The following TNR variants were observed in gnomAD, a reference collection of about 807,000 sequenced individuals.
The protein encoded by TNR is tenascin R.
In TNR, 45 loss-of-function variants were observed where a neutral mutation model predicts 150.4. The ratio of observed to expected loss-of-function variants is 0.30; its 90% CI spans 0.24 to 0.38. The LOEUF is 0.38. Ranked by LOEUF, TNR falls within the 10% of genes least tolerant of loss-of-function variation. The pLI, the probability that TNR is intolerant of heterozygous loss-of-function variation, is 1.00. For missense variants in TNR, 1,544 were observed against 1,759.1 expected, an observed-to-expected ratio of 0.88 and a Z score of 2.19; for synonymous variants, 687 against 678.4, an observed-to-expected ratio of 1.01 and a Z score of -0.20.
Position 175,365,120 on chromosome 1 carries a change from TTGG to T in TNR, c.2474_2476del (p.Thr825del), listed in dbSNP as rs1651772501. On this transcript the variant is annotated inframe_deletion, in exon 12 of 23. Transcript: ENST00000367674. ...CAGGCCCATCAGGACAGCATGCCTCTTGGTGGCATCCAGGGAGACCTCCATCAT... is the reference window on the plus strand; with the variant it reads ...CAGGCCCATCAGGACAGCATGCCTCTTGGCATCCAGGGAGACCTCCATCAT... The T allele has an allele frequency of 1.2e-6, 2 of 1,613,998 alleles. No individual in the cohort carries two copies. The highest frequency in any genetic ancestry group is 1.7e-6 in the Non-Finnish European group (2 of 1,180,018).
At chr1:175,711,758 G>T (rs1667023397) in intron 1 of TNR, among the ~76,000 whole-genome samples, 1 of 152,180 alleles carries the variant, frequency 6.6e-6, no homozygotes, top group South Asian at 2.1e-4. Flanking sequence ...AACGAATGGG[G>T]ATCCATGAGA....
intron 2 of TNR, among the ~76,000 whole-genome samples, chr1:175,468,579 T>C (rs1054769527): frequency 4.6e-5 from 7 of 152,052 alleles, no homozygotes. Flanking sequence ...ATTAATCCAA[T>C]CTGAGGAAAT....
At chr1:175,725,889 C>T (rs984560869) in intron 1 of TNR, among the ~76,000 whole-genome samples, 8 of 152,136 alleles carry the variant, frequency 5.3e-5, no homozygotes, top group African/African-American at 1.9e-4. Flanking sequence ...TTGCCTCTTA[C>T]TTGAGGGCTC....
chr1:175,337,466 G>A, intron 19 of TNR, 62 bp downstream of exon 19: 1 of 1,599,666 alleles, frequency 6.3e-7, no homozygotes. Context: ...GGCAGGTGCT[G>A]AGCTAGGTAG....
At chr1:175,646,868 C>T (rs1006724332) in intron 1 of TNR, among the ~76,000 whole-genome samples, 5 of 152,228 alleles carry the variant, frequency 3.3e-5, no homozygotes. Flanking sequence ...AGTTTTAATT[C>T]CTCTTGATCC....
intron 2 of TNR, among the ~76,000 whole-genome samples, chr1:175,444,312 C>G (rs1433465239): frequency 3.3e-5 from 5 of 151,996 alleles, no homozygotes; most frequent in African/African-American, 1.2e-4. Flanking sequence ...AATCTAAGAC[C>G]CCTTTAAAGG....
In TNR at chr1:175,319,041, T is replaced by G. The variant is rs1397010357; in HGVS notation, c.*4316A>C. 6.6e-6 allele frequency: 1 copy of G among 152,224 alleles called. No homozygotes were observed. The highest frequency in any genetic ancestry group is 1.5e-5 in the Non-Finnish European group (1 of 68,062). 9.4% of individuals were successfully genotyped at this position (152,224 alleles called of 1,614,324 possible). A position where few individuals can be genotyped will look rare whatever the true frequency, so the allele number is the denominator to read the frequency against. On this transcript the variant is annotated 3_prime_UTR_variant, in exon 23 of 23. Transcript: ENST00000367674. ...AGGCGGAAAGTGTCCCCCAACCCCA[T>G]GCCCTACCTCCTTGGAAGAAAAGAC...
intron 1 of TNR, among the ~76,000 whole-genome samples, chr1:175,564,179 C>A (rs1661545158): frequency 6.6e-6 from 1 of 152,236 alleles, no homozygotes; most frequent in African/African-American, 2.4e-5. Context: ...TTCTTCAAGG[C>A]ACTTGGCAGC....
At chr1:175,670,743 T>G (rs1193551697) in intron 1 of TNR, among the ~76,000 whole-genome samples, 1 of 152,100 alleles carries the variant, frequency 6.6e-6, no homozygotes, top group African/African-American at 2.4e-5. Flanking sequence ...AAAGCGTGAA[T>G]GGTTTTAGAG....
chr1:175,378,738 C>T (rs1652526873), intron 9 of TNR, among the ~76,000 whole-genome samples: 2 of 152,136 alleles, frequency 1.3e-5, no homozygotes, highest in Admixed American at 6.5e-5. Context: ...CATCAGGGAA[C>T]ATGGGTGGGA....
At chr1:175,486,894 T>C (rs1290776318) in intron 2 of TNR, among the ~76,000 whole-genome samples, 2 of 152,262 alleles carry the variant, frequency 1.3e-5, no homozygotes, top group Non-Finnish European at 2.9e-5. Flanking sequence ...ACTTTTTTCA[T>C]ATGTTTGTTG....
At chr1:175,741,450 C>T (rs1341881122) in intron 1 of TNR, among the ~76,000 whole-genome samples, 1 of 152,160 alleles carries the variant, frequency 6.6e-6, no homozygotes, top group Non-Finnish European at 1.5e-5. Context: ...TAAAAATCCT[C>T]AGTGATGTGT....
At chr1:175,368,030 C>A (rs1651920388) in intron 9 of TNR, among the ~76,000 whole-genome samples, 1 of 152,168 alleles carries the variant, frequency 6.6e-6, no homozygotes, top group Admixed American at 6.5e-5. Flanking sequence ...AGGTTTACTA[C>A]AAAGGATCTC....
At chr1:175,461,966 C>T (rs1005026539) in intron 2 of TNR, among the ~76,000 whole-genome samples, 4 of 152,166 alleles carry the variant, frequency 2.6e-5, no homozygotes, top group Admixed American at 2.0e-4. Flanking sequence ...GAACTACTTT[C>T]GCTACTCTGC....
chr1:175,560,171 A>C (rs1302758525), intron 1 of TNR, among the ~76,000 whole-genome samples: 1 of 152,376 alleles, frequency 6.6e-6, no homozygotes, highest in East Asian at 1.9e-4. Context: ...GCCTGAATGC[A>C]GAACTTTAGT....
chr1:175,354,643 C>T, intron 17 of TNR, 120 bp from the exon 18 acceptor site: 1 of 1,253,192 alleles, frequency 8.0e-7, no homozygotes, highest in Non-Finnish European at 1.1e-6. Context: ...TGGCCATTGT[C>T]ATCCTCTCCA....
At chr1:175,403,657 T>C (rs1286803900) in intron 3 of TNR, 41 bp from the exon 4 acceptor site, 1 of 1,529,496 alleles carries the variant, frequency 6.5e-7, no homozygotes, top group Admixed American at 1.7e-5. Context: ...AGCAGTGGCC[T>C]CTCCTGTCAA....
intron 8 of TNR, among the ~76,000 whole-genome samples, chr1:175,383,982 T>C (rs1463187824): frequency 6.6e-6 from 1 of 152,144 alleles, no homozygotes; most frequent in East Asian, 1.9e-4. Flanking sequence ...CTGAAACTCA[T>C]GGGGAGCTCC....
intron 1 of TNR, among the ~76,000 whole-genome samples, chr1:175,716,964 C>T (rs1174624742): frequency 2.0e-5 from 3 of 152,224 alleles, no homozygotes; most frequent in Non-Finnish European, 4.4e-5. Flanking sequence ...AATTTACCCA[C>T]TCTGTGACCT....
Sources: allele counts gnomAD v4.1 joint callset (sites outside exome capture counted in the v4.1 genomes callset), GRCh38; gene constraint gnomAD v4.1.1; transcripts MANE v1.5; gene names NCBI Gene and HGNC (gene_info 2026-07-23, HGNC 2026-07-21).